IL15: variants seen among roughly 807,000 people sequenced by gnomAD.
The protein encoded by IL15 is interleukin-15.
In IL15, 11 loss-of-function variants were observed where a neutral mutation model predicts 19.6. That is an observed-to-expected ratio of 0.56 (90% confidence interval 0.35 to 0.93). IL15 has a LOEUF of 0.93. Ranked by LOEUF, IL15 falls within the 40% of genes least tolerant of loss-of-function variation. IL15 has a pLI of 0.01. For missense variants in IL15, 197 were observed against 186.5 expected (o/e 1.06, Z -0.33); for synonymous variants, 58 against 59.6 (o/e 0.97, Z 0.12).
At chr4:141,683,126 C>T (rs1026150077) in intron 2 of IL15, among the ~76,000 whole-genome samples, 3 of 150,276 alleles carry the variant, frequency 2.0e-5, no homozygotes, top group Non-Finnish European at 3.0e-5. Flanking sequence ...AAAATTAGCC[C>T]GGCGTGGTGG....
At position 141,684,449 on chromosome 4, in the gene IL15, C is replaced by G. The variant is rs150483472; in HGVS notation, c.-100+28142C>G. Among the ~76,000 whole-genome samples the G allele has an allele frequency of 1.6e-4, 25 of 152,274 alleles. 1 individual carries two copies. The East Asian group carries it at 4.4e-3, about 27-fold the overall frequency. ...TATAATTGTTAGGCAGCATCACTGT[C>G]TAAGAATCTAAAGTGATATCCCATT... On this transcript the variant is annotated intron_variant, in intron 2 of 7. Transcript: ENST00000320650.
chr4:141,682,827 G>A (rs966376273), intron 2 of IL15, among the ~76,000 whole-genome samples: 1 of 151,838 alleles, frequency 6.6e-6, no homozygotes, highest in African/African-American at 2.4e-5. Context: ...GTGTGGTGGC[G>A]GGCGCCTGTA....
At chr4:141,704,491 TG>T (rs2152183158) in intron 2 of IL15, 1 of 208,878 alleles carries the variant, frequency 4.8e-6, no homozygotes, top group South Asian at 7.4e-5. Flanking sequence ...TCATCAATAT[TG>T]ACCTATAGTT....
intron 2 of IL15, among the ~76,000 whole-genome samples, chr4:141,701,464 G>A (rs1005118329): frequency 6.6e-6 from 1 of 152,140 alleles, no homozygotes; most frequent in African/African-American, 2.4e-5. Flanking sequence ...TACTTGTTGT[G>A]TGGGCAAGTT....
chr4:141,668,323 T>A (rs1000395410), intron 2 of IL15, among the ~76,000 whole-genome samples: 1 of 152,200 alleles, frequency 6.6e-6, no homozygotes, highest in Non-Finnish European at 1.5e-5. Flanking sequence ...TTCAGCTTCC[T>A]TTATGCCACT....
At chr4:141,714,106 C>T (rs748260965) in intron 2 of IL15, among the ~76,000 whole-genome samples, 70 of 152,072 alleles carry the variant, frequency 4.6e-4, no homozygotes, top group Non-Finnish European at 7.8e-4. Flanking sequence ...CCCCATCCTC[C>T]TCCTGTCCCC....
intron 2 of IL15, among the ~76,000 whole-genome samples, chr4:141,677,711 T>C (rs944030929): frequency 1.3e-5 from 2 of 152,214 alleles, no homozygotes; most frequent in Non-Finnish European, 2.9e-5. Flanking sequence ...GATTTGAGTC[T>C]TTCTGGCTTT....
chr4:141,709,986 T>A (rs1729659775), intron 2 of IL15, among the ~76,000 whole-genome samples: 1 of 152,146 alleles, frequency 6.6e-6, no homozygotes, highest in Non-Finnish European at 1.5e-5. Flanking sequence ...AGTGAGAAGA[T>A]GCAGTATTTG....
intron 5 of IL15, among the ~76,000 whole-genome samples, chr4:141,725,161 A>G (rs1021180368): frequency 3.3e-5 from 5 of 152,214 alleles, no homozygotes; most frequent in Non-Finnish European, 7.3e-5. Flanking sequence ...CAAGCAATGT[A>G]ATCTACCCTA....
At chr4:141,685,291 A>G (rs1168443561) in intron 2 of IL15, among the ~76,000 whole-genome samples, 1 of 152,180 alleles carries the variant, frequency 6.6e-6, no homozygotes, top group Non-Finnish European at 1.5e-5. Context: ...GAGGGTGCAT[A>G]GTTTTTAGAT....
intron 2 of IL15, among the ~76,000 whole-genome samples, chr4:141,661,293 C>A (rs1330654915): frequency 6.6e-6 from 1 of 152,080 alleles, no homozygotes. Context: ...AGGAAAGAGC[C>A]CTGTTTTGAG....
chr4:141,697,777 T>G (rs2152180293), intron 2 of IL15, among the ~76,000 whole-genome samples: 1 of 151,226 alleles, frequency 6.6e-6, no homozygotes. Flanking sequence ...ATAAAAGGGG[T>G]CGAATGACAA....
At chr4:141,671,413 T>C (rs1728171627) in intron 2 of IL15, among the ~76,000 whole-genome samples, 1 of 152,220 alleles carries the variant, frequency 6.6e-6, no homozygotes, top group Admixed American at 6.5e-5. Context: ...AATCTCGTGA[T>C]TTAAAATTTT....
At chr4:141,644,011 G>A (rs1418976769) in intron 1 of IL15, among the ~76,000 whole-genome samples, 1 of 151,478 alleles carries the variant, frequency 6.6e-6, no homozygotes, top group African/African-American at 2.4e-5. Flanking sequence ...ATCTATCTTG[G>A]GTTTGTCCTT....
chr4:141,662,188 A>T (rs1238580247), intron 2 of IL15, among the ~76,000 whole-genome samples: 1 of 152,242 alleles, frequency 6.6e-6, no homozygotes, highest in Non-Finnish European at 1.5e-5. Flanking sequence ...ATTGAGTACA[A>T]TGCACCTTAG....
At chr4:141,687,922 A>G (rs2152175523) in intron 2 of IL15, among the ~76,000 whole-genome samples, 1 of 152,320 alleles carries the variant, frequency 6.6e-6, no homozygotes, top group Non-Finnish European at 1.5e-5. Context: ...TTTCTAGTGG[A>G]TACCGTTCTG....
chr4:141,710,214 A>G (rs1729670844), intron 2 of IL15, among the ~76,000 whole-genome samples: 1 of 152,186 alleles, frequency 6.6e-6, no homozygotes, highest in Non-Finnish European at 1.5e-5. Context: ...CTGGGGCAGG[A>G]TACCCTCTAT....
intron 1 of IL15, among the ~76,000 whole-genome samples, chr4:141,644,728 C>T (rs1338480272): frequency 6.6e-6 from 1 of 152,078 alleles, no homozygotes; most frequent in African/African-American, 2.4e-5. Flanking sequence ...TATCTGTGAC[C>T]TTCCCCTTGT....
chr4:141,690,949 TCATTC>T (rs1412538743), intron 2 of IL15, among the ~76,000 whole-genome samples: 1 of 152,226 alleles, frequency 6.6e-6, no homozygotes, highest in East Asian at 1.9e-4. Flanking sequence ...TTAACTTTAA[TCATTC>T]CTTTAAGATG....
Sources: allele counts gnomAD v4.1 joint callset (sites outside exome capture counted in the v4.1 genomes callset), GRCh38; gene constraint gnomAD v4.1.1; transcripts MANE v1.5; gene names NCBI Gene and HGNC (gene_info 2026-07-23, HGNC 2026-07-21).